The following PTPRN2 variants were observed in gnomAD, a reference collection of about 807,000 sequenced individuals.
PTPRN2 encodes the protein protein tyrosine phosphatase receptor type N2, also known as receptor-type tyrosine-protein phosphatase N2.
Under a neutral mutation model 118.8 loss-of-function variants are expected in PTPRN2, and 74 were observed. The ratio of observed to expected loss-of-function variants is 0.62; its 90% CI spans 0.52 to 0.76. PTPRN2 has a LOEUF of 0.76. Ranked by LOEUF, PTPRN2 falls within the 30% of genes least tolerant of loss-of-function variation. The pLI, the probability that PTPRN2 is intolerant of heterozygous loss-of-function variation, is 0.00. For synonymous variants in PTPRN2, 641 were observed against 608.0 expected, an observed-to-expected ratio of 1.05 and a Z score of -0.80; for missense variants, 1,481 against 1,394.4, an observed-to-expected ratio of 1.06 and a Z score of -0.99.
At chr7:158,469,435 A>G (rs1357837897) in intron 2 of PTPRN2, among the ~76,000 whole-genome samples, 1 of 152,124 alleles carries the variant, frequency 6.6e-6, no homozygotes, top group Non-Finnish European at 1.5e-5. Context: ...GAGGGAGACC[A>G]TCTCCCCTGT....
intron 12 of PTPRN2, among the ~76,000 whole-genome samples, chr7:157,803,881 T>A (rs1026757144): frequency 2.0e-5 from 3 of 152,188 alleles, no homozygotes; most frequent in Non-Finnish European, 4.4e-5. Flanking sequence ...CTGGGCAGGT[T>A]TTTCATGATG....
intron 2 of PTPRN2, among the ~76,000 whole-genome samples, chr7:158,389,157 T>C (rs896761): frequency 0.94 from 143,866 of 152,310 alleles, 68,041 homozygotes; most frequent in East Asian, 0.97. Context: ...ACCTGGGCCC[T>C]GAAGCCCTCG....
chr7:158,317,002 C>T lies in PTPRN2; in HGVS notation c.164-70G>A, dbSNP rs1802389146. 6.7e-6 allele frequency: 8 copies of T among 1,197,854 alleles called. No homozygotes were observed. The Admixed American group carries it at 1.1e-4, about 16-fold the overall frequency. The allele number at this position is 1,197,854 out of a possible 1,614,324, so 74.2% of individuals were successfully genotyped here. ...TCAGAGAGCAGGAAGGTGTCACACA[C>T]GTCCTTGCAATGCGTTCTGATCATG... On this transcript the variant is annotated intron_variant, in intron 2 of 22. Transcript: ENST00000389418.
At chr7:157,643,581 C>CG (rs1804838545) in intron 14 of PTPRN2, among the ~76,000 whole-genome samples, 1 of 152,192 alleles carries the variant, frequency 6.6e-6, no homozygotes, top group Admixed American at 6.5e-5. Flanking sequence ...ACCCACGGCC[C>CG]GGGCATCCCA....
chr7:157,948,708 T>A (rs4716820), intron 11 of PTPRN2, among the ~76,000 whole-genome samples: 79,495 of 151,988 alleles, frequency 0.52, 21,672 homozygotes, highest in East Asian at 0.66. Context: ...ATATCCCTAA[T>A]CCAAAAGTCC....
intron 15 of PTPRN2, among the ~76,000 whole-genome samples, chr7:157,606,492 G>A (rs1167217057): frequency 6.6e-6 from 1 of 152,232 alleles, no homozygotes; most frequent in Non-Finnish European, 1.5e-5. Flanking sequence ...ACAACATCTC[G>A]GCTCTGCTGC....
chr7:158,376,386 AGGG>A (rs1242543197), intron 2 of PTPRN2, among the ~76,000 whole-genome samples: 1 of 132,482 alleles, frequency 7.5e-6, no homozygotes, highest in African/African-American at 2.9e-5. Context: ...ACGTCCTGCG[AGGG>A]GGGGTCAGGG....
chr7:158,362,334 T>A (rs1308155489), intron 2 of PTPRN2, among the ~76,000 whole-genome samples: 2 of 152,298 alleles, frequency 1.3e-5, no homozygotes, highest in East Asian at 3.9e-4. Flanking sequence ...GGCACTTTCC[T>A]CAGGCCACCC....
Position 158,167,066 on chromosome 7 carries a change from C to CG in PTPRN2, c.774dup (p.Gly259ArgfsTer62). On this transcript the variant is annotated frameshift_variant, in exon 6 of 23. Transcript: ENST00000389418. LOFTEE classifies it high-confidence loss of function. ...TACTGTGGCTCCAGGCTGCCCTCCC[C>CG]GGGGGGAGCTGGGGGCCTCTGGGCA... 2.5e-6 allele frequency: 4 copies of CG among 1,591,734 alleles called. No individual in the cohort carries two copies. The highest frequency in any genetic ancestry group is 2.3e-5 in the South Asian group (2 of 88,844).
At chr7:158,130,987 T>C (rs374313851) in intron 9 of PTPRN2, among the ~76,000 whole-genome samples, 2 of 145,788 alleles carry the variant, frequency 1.4e-5, no homozygotes, top group African/African-American at 2.7e-5. Flanking sequence ...CAAACACACA[T>C]ATGCAGAAAT....
chr7:157,889,690 TG>T (rs1421872900), intron 12 of PTPRN2, among the ~76,000 whole-genome samples: 1 of 152,244 alleles, frequency 6.6e-6, no homozygotes, highest in African/African-American at 2.4e-5. Context: ...CTGCTGAATA[TG>T]TATACTTAGC....
At chr7:158,269,239 C>G (rs918385510) in intron 3 of PTPRN2, among the ~76,000 whole-genome samples, 1 of 152,200 alleles carries the variant, frequency 6.6e-6, no homozygotes, top group Non-Finnish European at 1.5e-5. Context: ...CGCCAAACCT[C>G]GTCTCCTCAT....
rs1336877421 is a variant in PTPRN2, at chr7:158,440,789, TG to T, written c.163+48945del. On this transcript the variant is annotated intron_variant, in intron 2 of 22. Coordinates refer to ENST00000389418, the MANE Select transcript of PTPRN2 (RefSeq NM_002847.5). ...ATGTTAGTGATAGTGGTGATGGTGATGGGGGTGGTAGTGGTGATGGTGGTAG... is the reference window on the plus strand; with the variant it reads ...ATGTTAGTGATAGTGGTGATGGTGATGGGGTGGTAGTGGTGATGGTGGTAG... Among the ~76,000 whole-genome samples, 128 of 118,930 alleles carry T rather than the reference TG, an allele frequency of 1.1e-3. 1 individual carries two copies. Among genetic ancestry groups the T allele is most frequent in the African/African-American group, 3.9e-3 (114 of 29,214 alleles). The allele number at this position is 118,930 out of a possible 152,430, so 78.0% of individuals were successfully genotyped here.
At chr7:158,252,173 G>T (rs975965785) in intron 3 of PTPRN2, among the ~76,000 whole-genome samples, 2 of 152,158 alleles carry the variant, frequency 1.3e-5, no homozygotes, top group Non-Finnish European at 2.9e-5. Flanking sequence ...TCAGCTGCTT[G>T]GAGTGGGTGG....
In PTPRN2 at chr7:158,587,731, G is replaced by T; in HGVS notation, c.-62C>A. On this transcript the variant is annotated 5_prime_UTR_variant, in exon 1 of 23. Coordinates refer to ENST00000389418, the MANE Select transcript of PTPRN2 (RefSeq NM_002847.5). ...GCGCGGGAGGCGGCGGGAGGCGGCC[G>T]AGTCCGGGCCCAGGGAGGCGCGCGC... The T allele has an allele frequency of 3.6e-6, 4 of 1,124,534 alleles. No homozygotes were observed. In the South Asian group the frequency reaches 1.7e-4, roughly 48 times the overall value. The allele number at this position is 1,124,534 out of a possible 1,614,324, so 69.7% of individuals were successfully genotyped here. A position where few individuals can be genotyped will look rare whatever the true frequency, so the allele number is the denominator to read the frequency against.
Position 157,690,995 on chromosome 7 carries a change from A to C in PTPRN2, c.1789-8058T>G, listed in dbSNP as rs1475071933. 7.2e-6 allele frequency among the ~76,000 whole-genome samples: 1 copy of C among 138,294 alleles called. No homozygotes were observed. Among genetic ancestry groups the C allele is most frequent in the Non-Finnish European group, 1.5e-5 (1 of 64,864 alleles). The allele number at this position is 138,294 out of a possible 152,430, so 90.7% of individuals were successfully genotyped here. A position where few individuals can be genotyped will look rare whatever the true frequency, so the allele number is the denominator to read the frequency against. On this transcript the variant is annotated intron_variant, in intron 12 of 22. Transcript: ENST00000389418. This position sits in a 1 kb window ranked among gnomAD's most constrained non-coding sequence, Gnocchi z 7.1. Reference sequence around the variant, plus strand: ...CAGCGCGGCCGCCGCGCCCCGCCTTATATCCGGCCCGGCGCGCACCCGGCC... The same window carrying C: ...CAGCGCGGCCGCCGCGCCCCGCCTTCTATCCGGCCCGGCGCGCACCCGGCC...
intron 9 of PTPRN2, among the ~76,000 whole-genome samples, chr7:158,113,152 G>A (rs983794926): frequency 6.6e-6 from 1 of 152,118 alleles, no homozygotes; most frequent in African/African-American, 2.4e-5. Context: ...AGAAGGAGAA[G>A]GGCCGGGCCT....
rs1405934816 is a variant in PTPRN2 at position 157,609,632 on chromosome 7, G to T, written c.2345-5557C>A. Among the ~76,000 whole-genome samples, 2 of 152,156 alleles carry T rather than the reference G, an allele frequency of 1.3e-5. No individual in the cohort carries two copies. Among genetic ancestry groups the T allele is most frequent in the Non-Finnish European group, 2.9e-5 (2 of 68,024 alleles). On this transcript the variant is annotated intron_variant, in intron 15 of 22. Coordinates refer to ENST00000389418, the MANE Select transcript of PTPRN2 (RefSeq NM_002847.5). This position sits in a 1 kb window ranked among gnomAD's most constrained non-coding sequence, Gnocchi z 4.9. ...GGTTTGACTCCCAGCCCCACTGCTT[G>T]CCAGCGGGCGATCCTGGGTAAACTG...
In PTPRN2 at chr7:158,368,152, A is replaced by G. The variant is rs1179308272; in HGVS notation, c.164-51220T>C. Among the ~76,000 whole-genome samples the G allele has an allele frequency of 2.6e-5, 4 of 152,342 alleles. 1 individual carries two copies. The Middle Eastern group carries it at 0.01, about 389-fold the overall frequency. On this transcript the variant is annotated intron_variant, in intron 2 of 22. Coordinates refer to ENST00000389418, the MANE Select transcript of PTPRN2 (RefSeq NM_002847.5). ...GTCAGAGAATTTGTCCTGTAATTCC[A>G]TAACTTCAACAGGGCAAACGTTTAC...
Sources: allele counts gnomAD v4.1 joint callset (sites outside exome capture counted in the v4.1 genomes callset), GRCh38; gene constraint gnomAD v4.1.1; non-coding constraint Gnocchi (gnomAD v3.1); transcripts MANE v1.5; gene names NCBI Gene and HGNC (gene_info 2026-07-23, HGNC 2026-07-21).